The following VCPIP1 variants were observed in gnomAD, a reference collection of about 807,000 sequenced individuals.
VCPIP1 encodes the protein deubiquitinating protein VCPIP1.
In VCPIP1, 8 loss-of-function variants were observed where a neutral mutation model predicts 85.0. That is an observed-to-expected ratio of 0.09 (90% confidence interval 0.06 to 0.17). The LOEUF is 0.17. Among genes scored for constraint, VCPIP1 ranks in the 10% least tolerant of loss-of-function variants. The pLI is 1.00. For missense variants in VCPIP1, 1,070 were observed against 1,486.3 expected, an observed-to-expected ratio of 0.72 and a Z score of 4.61; for synonymous variants, 543 against 544.5, an observed-to-expected ratio of 1.00 and a Z score of 0.04.
At chr8:66,660,059 C>T (rs1811141080) in intron 1 of VCPIP1, among the ~76,000 whole-genome samples, 1 of 152,132 alleles carries the variant, frequency 6.6e-6, no homozygotes, top group East Asian at 1.9e-4. Context: ...TGGAGATCTG[C>T]TGATGAAAGC....
At chr8:66,659,623 A>C (rs1441422347) in intron 1 of VCPIP1, among the ~76,000 whole-genome samples, 1 of 152,152 alleles carries the variant, frequency 6.6e-6, no homozygotes, top group Non-Finnish European at 1.5e-5. Context: ...GCTATCATGC[A>C]GTCAGCCCAT....
chr8:66,664,182 A>G (rs1811183641), intron 1 of VCPIP1, 67 bp downstream of exon 1: 16 of 1,429,938 alleles, frequency 1.1e-5, no homozygotes, highest in Non-Finnish European at 1.4e-5. Flanking sequence ...TCCCCCAAAG[A>G]TAACAGGAAA....
chr8:66,654,261 A>G (rs1811079131), intron 1 of VCPIP1, among the ~76,000 whole-genome samples: 1 of 152,230 alleles, frequency 6.6e-6, no homozygotes, highest in Non-Finnish European at 1.5e-5. Context: ...AGATTACCTG[A>G]CGTCAGGAGT....
intron 1 of VCPIP1, among the ~76,000 whole-genome samples, chr8:66,655,759 G>C (rs932095254): frequency 6.6e-6 from 1 of 152,044 alleles, no homozygotes; most frequent in Non-Finnish European, 1.5e-5. Context: ...AATAGGAACA[G>C]TTTGGAAAAG....
intron 2 of VCPIP1, among the ~76,000 whole-genome samples, chr8:66,641,541 A>G (rs1337905334): frequency 6.6e-6 from 1 of 152,118 alleles, no homozygotes; most frequent in Non-Finnish European, 1.5e-5. Context: ...TAGCGTATTC[A>G]CAAAGTTGTG....
At position 66,666,454 on chromosome 8, in the gene VCPIP1, G is replaced by A; in HGVS notation, c.505C>T (p.Leu169Phe). ...GTGTTAACATGCTCTGGTTCTATGA[G>A]GAAGGCGCGGTCACCCAGTAAGGCG... ...DCALLGDRAF[L>F]IEPEHVNTVG... The change falls in exon 1 of 3, where the codon CTC becomes TTC. Residue 169 changes from leucine (L) to phenylalanine (F), a missense_variant. Coordinates refer to ENST00000310421, the MANE Select transcript of VCPIP1 (RefSeq NM_025054.5). This position sits in a 1 kb window ranked among gnomAD's most constrained non-coding sequence, Gnocchi z 6.3. 2 of 1,614,194 alleles carry A rather than the reference G, an allele frequency of 1.2e-6. No homozygotes were observed. The highest frequency in any genetic ancestry group is 1.1e-5 in the South Asian group (1 of 91,090).
chr8:66,660,419 T>C (rs1166763772), intron 1 of VCPIP1, among the ~76,000 whole-genome samples: 1 of 152,234 alleles, frequency 6.6e-6, no homozygotes, highest in Non-Finnish European at 1.5e-5. Flanking sequence ...GGTACACTGA[T>C]AGAGGGAACC....
intron 2 of VCPIP1, among the ~76,000 whole-genome samples, chr8:66,650,560 A>G (rs979297833): frequency 1.3e-5 from 2 of 152,230 alleles, no homozygotes; most frequent in Non-Finnish European, 2.9e-5. Context: ...CTTTACAAAC[A>G]ATGTATGCAC....
intron 1 of VCPIP1, among the ~76,000 whole-genome samples, chr8:66,662,988 C>T (rs1275766486): frequency 6.6e-6 from 1 of 151,208 alleles, no homozygotes; most frequent in Non-Finnish European, 1.5e-5. Flanking sequence ...GCCTGTAGTC[C>T]CAGCTACTTG....
intron 2 of VCPIP1, among the ~76,000 whole-genome samples, chr8:66,644,490 T>C (rs965351250): frequency 6.6e-6 from 1 of 152,186 alleles, no homozygotes; most frequent in Non-Finnish European, 1.5e-5. Context: ...CCTCCATTCA[T>C]AATATAAACT....
intron 1 of VCPIP1, 112 bp downstream of exon 1, chr8:66,664,137 A>C (rs549304482): frequency 7.7e-7 from 1 of 1,296,332 alleles, no homozygotes; most frequent in Admixed American, 3.3e-5. Flanking sequence ...CCTGAAATAT[A>C]TAATTAAAAA....
At chr8:66,659,670 G>A (rs1256779563) in intron 1 of VCPIP1, among the ~76,000 whole-genome samples, 4 of 152,096 alleles carry the variant, frequency 2.6e-5, no homozygotes, top group African/African-American at 9.7e-5. Flanking sequence ...AGTGGCTCAC[G>A]CCTGTAATCC....
At chr8:66,638,964 C>CTATATATATATATA (rs765356671) in intron 2 of VCPIP1, among the ~76,000 whole-genome samples, 12 of 132,632 alleles carry the variant, frequency 9.0e-5, no homozygotes, top group African/African-American at 3.8e-4. Context: ...CTCTCTCTCT[C>CTATATATATATATA]TCTCTCTATA....
At chr8:66,662,272 C>G (rs1811165268) in intron 1 of VCPIP1, among the ~76,000 whole-genome samples, 1 of 152,186 alleles carries the variant, frequency 6.6e-6, no homozygotes, top group Non-Finnish European at 1.5e-5. Flanking sequence ...GATGTTTCAG[C>G]CAGGCCACAG....
At chr8:66,638,936 T>C (rs1038786593) in intron 2 of VCPIP1, among the ~76,000 whole-genome samples, 4 of 131,672 alleles carry the variant, frequency 3.0e-5, no homozygotes, top group Admixed American at 7.7e-5. Context: ...CAAGAAAACT[T>C]TCTCTCTCTC....
chr8:66,664,271 C>T lies in VCPIP1; in HGVS notation c.2688G>A (p.Leu896=), dbSNP rs752640716. The T allele has an allele frequency of 6.3e-7, 1 of 1,586,172 alleles. No individual in the cohort carries two copies. The change falls in exon 1 of 3, where the codon TTG becomes TTA. Residue 896 remains leucine (L), a synonymous_variant. Transcript: ENST00000310421. The part of the protein sequence containing the change: ...QEQAEKEMYS[L]CLLATLMGED... The stretch of plus-strand genomic sequence containing the variant: ...TACCCATTAATGTTGCTAAAAGACA[C>T]AAGGAGTACATTTCTTTTTCAGCTT...
intron 2 of VCPIP1, among the ~76,000 whole-genome samples, chr8:66,643,884 C>CAAA (rs35921029): frequency 7.1e-5 from 5 of 70,498 alleles, no homozygotes; most frequent in Non-Finnish European, 1.3e-4. Flanking sequence ...AATGGACAGC[C>CAAA]AAAAAAAAAA....
rs75214767 is a variant in VCPIP1, at chr8:66,657,520, A to G, written c.2711-5976T>C. On this transcript the variant is annotated intron_variant, in intron 1 of 2. Transcript: ENST00000310421. ...AGTCAAAATGGTTTATAAAAAAGGC[A>G]TATCTGTTTCTTGCCTGAAATTCAG... Among the ~76,000 whole-genome samples the G allele has an allele frequency of 2.5e-3, 378 of 152,338 alleles. 1 individual carries two copies. The highest frequency in any genetic ancestry group is 4.4e-3 in the Non-Finnish European group (300 of 68,036).
chr8:66,645,148 T>C (rs1810982239), intron 2 of VCPIP1, among the ~76,000 whole-genome samples: 1 of 146,406 alleles, frequency 6.8e-6, no homozygotes, highest in Admixed American at 6.8e-5. Context: ...AGGCCGGGCA[T>C]GGTGGCTCAT....
Sources: allele counts gnomAD v4.1 joint callset (sites outside exome capture counted in the v4.1 genomes callset), GRCh38; gene constraint gnomAD v4.1.1; non-coding constraint Gnocchi (gnomAD v3.1); transcripts MANE v1.5; gene names NCBI Gene and HGNC (gene_info 2026-07-23, HGNC 2026-07-21).